NR4A1: variants seen among roughly 807,000 people sequenced by gnomAD.
The protein encoded by NR4A1 is nuclear receptor subfamily 4immunitygroup A member 1.
In NR4A1, 24 loss-of-function variants were observed where a neutral mutation model predicts 47.5. The observed-to-expected ratio is 0.50, with a 90% CI of 0.37 to 0.71. The LOEUF is 0.71. Ranked by LOEUF, NR4A1 falls within the 30% of genes least tolerant of loss-of-function variation. The pLI is 0.00. For missense variants in NR4A1, 669 were observed against 788.6 expected (o/e 0.85, Z 1.82); for synonymous variants, 353 against 345.7 (o/e 1.02, Z -0.24).
At chr12:52,044,662 A>G (rs1938565475) in intron 2 of NR4A1, among the ~76,000 whole-genome samples, 1 of 152,242 alleles carries the variant, frequency 6.6e-6, no homozygotes, top group South Asian at 2.1e-4. Flanking sequence ...GGGACTCGTT[A>G]TCAGAGAGTT....
At chr12:52,032,199 G>A (rs113229642) in intron 1 of NR4A1, among the ~76,000 whole-genome samples, 4 of 152,220 alleles carry the variant, frequency 2.6e-5, no homozygotes, top group Non-Finnish European at 5.9e-5. Context: ...ATTAGTATTT[G>A]AATCAGTAGA....
intron 2 of NR4A1, among the ~76,000 whole-genome samples, chr12:52,042,369 G>A (rs750355008): frequency 2.0e-5 from 3 of 152,038 alleles, no homozygotes; most frequent in Non-Finnish European, 4.4e-5. Flanking sequence ...TGAAGGGAAG[G>A]CTGGGACCTC....
chr12:52,052,614 TG>T, intron 1 of NR4A1: 1 of 985,770 alleles, frequency 1.0e-6, no homozygotes, highest in Non-Finnish European at 1.2e-6. Flanking sequence ...CCTCCTCCTG[TG>T]GGACTGCTCC....
intron 1 of NR4A1, among the ~76,000 whole-genome samples, chr12:52,032,970 A>G (rs534909815): frequency 4.0e-4 from 61 of 152,222 alleles, no homozygotes; most frequent in Non-Finnish European, 6.0e-4. Flanking sequence ...ATTCGCCTGC[A>G]GCAGACCCGA....
rs145066806 is a variant in NR4A1, at chr12:52,056,964, G to C, written c.1159-93G>C. 8.6e-5 allele frequency: 105 copies of C among 1,222,372 alleles called. No individual in the cohort carries two copies. In the African/African-American group the frequency reaches 1.5e-3, roughly 18 times the overall value. 75.7% of individuals were successfully genotyped at this position (1,222,372 alleles called of 1,614,324 possible). ...GGATCTCAGATCCACTCCCACTCCC[G>C]GGATCTGGCATCCAAGTGTCTGACA... On this transcript the variant is annotated intron_variant, in intron 4 of 6. Transcript: ENST00000394825.
At chr12:52,055,348 G>A (rs552687609) in intron 2 of NR4A1, 144 bp downstream of exon 2, 244 of 1,074,958 alleles carry the variant, frequency 2.3e-4, no homozygotes, top group Middle Eastern at 1.5e-3. Context: ...CAGGTGGGCC[G>A]CCTTCCTGGA....
chr12:52,046,281 C>T (rs1292337692), intron 2 of NR4A1, among the ~76,000 whole-genome samples: 2 of 152,212 alleles, frequency 1.3e-5, no homozygotes, highest in Non-Finnish European at 2.9e-5. Context: ...CACTTGGGGC[C>T]TGCCCTGGGC....
intron 2 of NR4A1, among the ~76,000 whole-genome samples, chr12:52,044,332 G>A (rs1043076160): frequency 2.0e-5 from 3 of 152,222 alleles, no homozygotes; most frequent in Non-Finnish European, 4.4e-5. Flanking sequence ...GCGTTCTGCT[G>A]AGCCCTCAGT....
chr12:52,057,586 G>C lies in NR4A1; in HGVS notation c.1540+56G>C, dbSNP rs544385932. Reference sequence around the variant, plus strand: ...GGAATGGGCGTCAGGGGGTTGACTGGTTCTCAGGAGGGCACTGTCCCAGGG... The same window carrying C: ...GGAATGGGCGTCAGGGGGTTGACTGCTTCTCAGGAGGGCACTGTCCCAGGG... On this transcript the variant is annotated intron_variant, in intron 6 of 6. Coordinates refer to ENST00000394825, the MANE Select transcript of NR4A1 (RefSeq NM_173157.3). 8.2e-6 allele frequency: 13 copies of C among 1,593,340 alleles called. No individual in the cohort carries two copies. In the East Asian group the frequency reaches 2.9e-4, roughly 36 times the overall value.
At chr12:52,046,738 C>A (rs867433136), upstream of NR4A1, among the ~76,000 whole-genome samples, 3 of 152,192 alleles carry the variant, frequency 2.0e-5, no homozygotes, top group African/African-American at 7.2e-5. Context: ...AATCCCAGCA[C>A]TTTGGGAGTC....
At position 52,054,921 on chromosome 12, in the gene NR4A1, C is replaced by G. The variant is rs199552702; in HGVS notation, c.593C>G (p.Pro198Arg). The change falls in exon 2 of 7, where the codon CCC (proline) becomes CGC (arginine). Residue 198 changes from proline to arginine, a missense_variant. Pro to Arg is a moderately radical substitution (Grantham distance 103, BLOSUM62 -2). Transcript: ENST00000394825. Reference protein sequence around the residue: ...AFFSFSPPTGPSPSLAQSPLK... With the variant: ...AFFSFSPPTGRSPSLAQSPLK... ...TTTTCCTTCAGTCCTCCCACCGGCC[C>G]CAGCCCCAGCCTGGCCCAGAGCCCC... 104 of 1,614,074 alleles carry G rather than the reference C, an allele frequency of 6.4e-5. No homozygotes were observed. Among genetic ancestry groups the G allele is most frequent in the Non-Finnish European group, 7.9e-5 (93 of 1,180,048 alleles).
chr12:52,029,646 T>C (rs1938075583), intron 1 of NR4A1, among the ~76,000 whole-genome samples: 1 of 151,980 alleles, frequency 6.6e-6, no homozygotes, highest in African/African-American at 2.4e-5. Flanking sequence ...TATGGTTGCA[T>C]CACTGCATTC....
Position 52,059,138 on chromosome 12 carries a change from C to T in NR4A1, c.*194C>T, listed in dbSNP as rs1592311836. 8 of 680,874 alleles carry T rather than the reference C, an allele frequency of 1.2e-5. No homozygotes were observed. Among genetic ancestry groups the T allele is most frequent in the South Asian group, 1.0e-4 (5 of 49,874 alleles). 42.2% of individuals were successfully genotyped at this position (680,874 alleles called of 1,614,324 possible). A position where few individuals can be genotyped will look rare whatever the true frequency, so the allele number is the denominator to read the frequency against. ...GGATGCCTTCATGGGGGTGACCCCA[C>T]GATTTGTCTTATCCCCCCCAGCCTG... On this transcript the variant is annotated 3_prime_UTR_variant, in exon 7 of 7. Coordinates refer to ENST00000394825, the MANE Select transcript of NR4A1 (RefSeq NM_173157.3).
intron 1 of NR4A1, among the ~76,000 whole-genome samples, chr12:52,029,962 C>T (rs1283169): frequency 0.81 from 123,764 of 152,218 alleles, 51,310 homozygotes; most frequent in African/African-American, 0.94. Flanking sequence ...TCCTACAGCC[C>T]TCAGGGCGGT....
Position 52,059,174 on chromosome 12 carries a change from TTATGTTTTTTGTAAGA to T in NR4A1, c.*233_*248del. On this transcript the variant is annotated 3_prime_UTR_variant, in exon 7 of 7. Coordinates refer to ENST00000394825, the MANE Select transcript of NR4A1 (RefSeq NM_173157.3). The stretch of plus-strand genomic sequence containing the variant: ...ATCCCCCCCAGCCTGGCCCCGGCCT[TTATGTTTTTTGTAAGA>T]TAAACCGTTTTTAACACATAGCGCC... 1.7e-6 allele frequency: 1 copy of T among 575,816 alleles called. No individual in the cohort carries two copies. Among genetic ancestry groups the T allele is most frequent in the Non-Finnish European group, 3.0e-6 (1 of 333,980 alleles). 35.7% of individuals were successfully genotyped at this position (575,816 alleles called of 1,614,324 possible). A position where few individuals can be genotyped will look rare whatever the true frequency, so the allele number is the denominator to read the frequency against.
At chr12:52,050,198 G>C (rs937352994), upstream of NR4A1, among the ~76,000 whole-genome samples, 1 of 152,240 alleles carries the variant, frequency 6.6e-6, no homozygotes, top group South Asian at 2.1e-4. Flanking sequence ...GAAGGCTCCA[G>C]GTGGCTGAAG....
chr12:52,049,447 C>T (rs945042319), upstream of NR4A1, among the ~76,000 whole-genome samples: 4 of 152,072 alleles, frequency 2.6e-5, no homozygotes, highest in African/African-American at 7.2e-5. Context: ...GGTCACTGGG[C>T]GCAGGCAGTT....
upstream of NR4A1, among the ~76,000 whole-genome samples, chr12:52,047,055 G>A (rs866317589): frequency 5.2e-4 from 60 of 115,808 alleles, 1 homozygote; most frequent in African/African-American, 2.1e-3. Context: ...GGGCTGTCTC[G>A]TCTCCATCGT....
In NR4A1 at chr12:52,054,550, A is replaced by G. The variant is rs754283631; in HGVS notation, c.222A>G (p.Thr74=). 1.9e-6 allele frequency: 3 copies of G among 1,613,936 alleles called. No homozygotes were observed. In the African/African-American group the frequency reaches 4.0e-5, roughly 22 times the overall value. The change falls in exon 2 of 7, where the codon ACA becomes ACG. Residue 74 remains threonine (T), a synonymous_variant. Coordinates refer to ENST00000394825, the MANE Select transcript of NR4A1 (RefSeq NM_173157.3). ...FDTFLYQLPG[T]VQPCSSASSS... The stretch of plus-strand genomic sequence containing the variant: ...CCTTCCTCTACCAGCTGCCAGGAAC[A>G]GTCCAGCCATGCTCCTCAGCCTCCT...
Sources: gnomAD v4.1 joint callset for allele counts (sites outside exome capture counted in the v4.1 genomes callset) on GRCh38, gnomAD v4.1.1 for gene constraint, MANE v1.5 for transcripts, NCBI Gene and HGNC (gene_info 2026-07-23, HGNC 2026-07-21) for gene names.